SLC13A3: variants seen among roughly 807,000 people sequenced by gnomAD.
The protein encoded by SLC13A3 is solute carrier family 13 member 3.
A neutral mutation model predicts 59.0 loss-of-function variants in SLC13A3; 40 were observed. The observed-to-expected ratio is 0.68, with a 90% CI of 0.53 to 0.88. The LOEUF is 0.88. Ranked by LOEUF, SLC13A3 falls within the 40% of genes least tolerant of loss-of-function variation. The pLI is 0.00. For synonymous variants in SLC13A3, 317 were observed against 330.3 expected (o/e 0.96, Z 0.44); for missense variants, 699 against 783.2 (o/e 0.89, Z 1.28).
At position 46,592,265 on chromosome 20, in the gene SLC13A3, A is replaced by G. The variant is rs181210767; in HGVS notation, c.920+139T>C. ...CATACATACATATATACATACCTAC[A>G]TACATACATACATAAAAGAAAGAAA... On this transcript the variant is annotated intron_variant, in intron 6 of 12. Coordinates refer to ENST00000279027, the MANE Select transcript of SLC13A3 (RefSeq NM_022829.6). 6.0e-6 allele frequency: 6 copies of G among 1,003,910 alleles called. No individual in the cohort carries two copies. The East Asian group carries it at 1.1e-4, about 18-fold the overall frequency. 62.2% of individuals were successfully genotyped at this position (1,003,910 alleles called of 1,614,324 possible).
rs141163005 is a variant in SLC13A3 at position 46,632,407 on chromosome 20, G to A, written c.112-18682C>T. Among the ~76,000 whole-genome samples, 318 of 152,052 alleles carry A rather than the reference G, an allele frequency of 2.1e-3. 1 individual carries two copies. The highest frequency in any genetic ancestry group is 7.0e-3 in the African/African-American group (289 of 41,480). ...CACTCATGGATAACATGGGAATGAC[G>A]GCCTCACAGAATCACCATGGTGGGA... On this transcript the variant is annotated intron_variant, in intron 1 of 12. Coordinates refer to ENST00000279027, the MANE Select transcript of SLC13A3 (RefSeq NM_022829.6).
chr20:46,651,719 T>C (rs985799449), upstream of SLC13A3, among the ~76,000 whole-genome samples: 2 of 152,214 alleles, frequency 1.3e-5, no homozygotes, highest in African/African-American at 4.8e-5. Flanking sequence ...TATCCTCTCC[T>C]CGCCTCTGTT....
At position 46,581,203 on chromosome 20, in the gene SLC13A3, C is replaced by A. The variant is rs142580269; in HGVS notation, c.1219+2369G>T. Among the ~76,000 whole-genome samples the A allele has an allele frequency of 8.6e-3, 1,313 of 152,300 alleles. 18 individuals are homozygous for A. The highest frequency in any genetic ancestry group is 0.03 in the African/African-American group (1,242 of 41,554). ...AAGCCCCAATTTGGGGGCTCGCCTG[C>A]CCTGCAACAATAGCGCCTTCCCCAT... On this transcript the variant is annotated intron_variant, in intron 9 of 12. Transcript: ENST00000279027.
intron 5 of SLC13A3, 98 bp from the exon 6 acceptor site, chr20:46,592,627 G>T: frequency 8.5e-7 from 1 of 1,183,368 alleles, no homozygotes; most frequent in Non-Finnish European, 1.2e-6. Flanking sequence ...GCGGGGAGGA[G>T]GAATGAGAGG....
chr20:46,619,679 T>C (rs2062595893), intron 1 of SLC13A3, among the ~76,000 whole-genome samples: 1 of 152,184 alleles, frequency 6.6e-6, no homozygotes, highest in Non-Finnish European at 1.5e-5. Context: ...TCTACGCTGC[T>C]TGTCATTCTC....
chr20:46,663,405 A>C (rs2063043148), intron 1 of SLC13A3, among the ~76,000 whole-genome samples: 1 of 151,936 alleles, frequency 6.6e-6, no homozygotes, highest in East Asian at 1.9e-4. Flanking sequence ...TAATTGTGCC[A>C]CTACACTCCA....
intron 5 of SLC13A3, among the ~76,000 whole-genome samples, chr20:46,595,021 A>T (rs2062296568): frequency 6.6e-6 from 1 of 152,120 alleles, no homozygotes; most frequent in South Asian, 2.1e-4. Flanking sequence ...CAGGTTTTTG[A>T]TTCTTTGGTT....
intron 8 of SLC13A3, chr20:46,585,803 G>A: frequency 7.9e-7 from 1 of 1,264,476 alleles, no homozygotes; most frequent in Non-Finnish European, 1.0e-6. Context: ...AGCAACAAGA[G>A]CTTCATGGCT....
At chr20:46,661,132 C>T (rs1368558762) in intron 1 of SLC13A3, among the ~76,000 whole-genome samples, 1 of 152,098 alleles carries the variant, frequency 6.6e-6, no homozygotes, top group East Asian at 1.9e-4. Flanking sequence ...TAATACTTTT[C>T]TTTAATGACT....
intron 1 of SLC13A3, among the ~76,000 whole-genome samples, chr20:46,639,323 G>C (rs563375903): frequency 3.3e-5 from 5 of 152,214 alleles, no homozygotes; most frequent in Non-Finnish European, 7.4e-5. Flanking sequence ...TTAGCCTGGC[G>C]TGGTGGCAGG....
At chr20:46,653,759 T>G (rs1449123997), upstream of SLC13A3, among the ~76,000 whole-genome samples, 1 of 152,216 alleles carries the variant, frequency 6.6e-6, no homozygotes, top group Non-Finnish European at 1.5e-5. Flanking sequence ...TCACCCATGT[T>G]GTAGCATGTG....
intron 12 of SLC13A3, 105 bp from the exon 13 acceptor site, chr20:46,560,303 C>G (rs1465991017): frequency 3.6e-6 from 4 of 1,103,544 alleles, no homozygotes; most frequent in Admixed American, 1.9e-5. Context: ...GATCGCACAG[C>G]CAGGAAGTGA....
At chr20:46,671,911 A>T (rs559950367), upstream of SLC13A3, among the ~76,000 whole-genome samples, 2 of 152,312 alleles carry the variant, frequency 1.3e-5, no homozygotes, top group East Asian at 3.9e-4. Flanking sequence ...TTGAAGGGGA[A>T]TCTGAGCTGC....
chr20:46,663,450 A>C (rs1475117956), intron 1 of SLC13A3, among the ~76,000 whole-genome samples: 1 of 152,156 alleles, frequency 6.6e-6, no homozygotes, highest in Admixed American at 6.5e-5. Context: ...GTTTCAAAAA[A>C]AAAAAAAAAG....
intron 4 of SLC13A3, among the ~76,000 whole-genome samples, chr20:46,597,165 A>C (rs1304332138): frequency 6.6e-6 from 1 of 152,220 alleles, no homozygotes; most frequent in African/African-American, 2.4e-5. Context: ...CTTTCCCAGG[A>C]GTGGAATTAC....
intron 3 of SLC13A3, among the ~76,000 whole-genome samples, chr20:46,609,526 T>C (rs185296362): frequency 2.4e-4 from 36 of 152,322 alleles, no homozygotes; most frequent in Non-Finnish European, 4.1e-4. Context: ...ACCCTTTCCA[T>C]AGCAACCATT....
chr20:46,576,347 C>T lies in SLC13A3; in HGVS notation c.1220-662G>A, dbSNP rs376202915. Among the ~76,000 whole-genome samples, 24 of 152,254 alleles carry T rather than the reference C, an allele frequency of 1.6e-4. No homozygotes were observed. The East Asian group carries it at 2.7e-3, about 17-fold the overall frequency. On this transcript the variant is annotated intron_variant, in intron 9 of 12. Transcript: ENST00000279027. ...AGCAGGTGGTGGGTTGGACCTGGCA[C>T]GTGGCTGGTAGTGTGACATCCCTGG... is the stretch of plus-strand genomic sequence containing the variant.
At chr20:46,674,604 C>CGCGTGTGTGTGTGTGTGTGT (rs370861850), upstream of SLC13A3, among the ~76,000 whole-genome samples, 1 of 127,882 alleles carries the variant, frequency 7.8e-6, no homozygotes, top group African/African-American at 3.2e-5. Flanking sequence ...CGCGCGCGCG[C>CGCGTGTGTGTGTGTGTGTGT]GTGTGTGTGT....
chr20:46,655,848 GTATATAATA>G, upstream of SLC13A3, among the ~76,000 whole-genome samples: 1 of 133,654 alleles, frequency 7.5e-6, no homozygotes, highest in Non-Finnish European at 1.6e-5. Context: ...ATATTATACT[GTATATAATA>G]TATATACTGT....
Sources: gnomAD v4.1 joint callset for allele counts (sites outside exome capture counted in the v4.1 genomes callset) on GRCh38, gnomAD v4.1.1 for gene constraint, MANE v1.5 for transcripts, NCBI Gene and HGNC (gene_info 2026-07-23, HGNC 2026-07-21) for gene names.